The following SULF2 variants were observed in gnomAD, a reference collection of about 807,000 sequenced individuals.
The protein encoded by SULF2 is sulfatase 2, also known as extracellular sulfatase Sulf-2.
In SULF2, 52 loss-of-function variants were observed where a neutral mutation model predicts 107.7. The observed-to-expected ratio is 0.48, with a 90% CI of 0.39 to 0.61. SULF2 has a LOEUF of 0.61. SULF2 is among the 20% of genes least tolerant of loss of function. SULF2 has a pLI of 0.00. For synonymous variants in SULF2, 460 were observed against 464.3 expected (o/e 0.99, Z 0.12); for missense variants, 993 against 1,177.3 (o/e 0.84, Z 2.29).
At chr20:47,668,356 G>A (rs1309025333) in intron 11 of SULF2, among the ~76,000 whole-genome samples, 1 of 152,238 alleles carries the variant, frequency 6.6e-6, no homozygotes, top group African/African-American at 2.4e-5. Context: ...CAAAGCCCAA[G>A]ACCTTTACTC....
intron 11 of SULF2, among the ~76,000 whole-genome samples, chr20:47,668,427 A>T (rs1427187099): frequency 6.6e-6 from 1 of 152,150 alleles, no homozygotes; most frequent in African/African-American, 2.4e-5. Context: ...GACTGAAGCC[A>T]CACTACCTGC....
chr20:47,755,029 G>GA (rs1491062513), intron 2 of SULF2, among the ~76,000 whole-genome samples: 5 of 149,078 alleles, frequency 3.4e-5, no homozygotes, highest in Non-Finnish European at 7.4e-5. Context: ...AGACGGGGGG[G>GA]GTCTCACTAT....
intron 1 of SULF2, among the ~76,000 whole-genome samples, chr20:47,770,884 C>T (rs902509489): frequency 1.3e-5 from 2 of 152,166 alleles, no homozygotes; most frequent in Non-Finnish European, 2.9e-5. Context: ...TCCCAGTGAT[C>T]CAGGGGGAGC....
chr20:47,748,354 A>G (rs2090091240), intron 2 of SULF2, among the ~76,000 whole-genome samples: 1 of 152,192 alleles, frequency 6.6e-6, no homozygotes, highest in South Asian at 2.1e-4. Flanking sequence ...CCCCAGTGTT[A>G]GGCCACACAA....
intron 2 of SULF2, among the ~76,000 whole-genome samples, chr20:47,749,174 A>G (rs2090109634): frequency 6.6e-6 from 1 of 152,190 alleles, no homozygotes; most frequent in East Asian, 1.9e-4. Flanking sequence ...GCAGAGAAGG[A>G]GCTTGGGTCC....
Position 47,676,570 on chromosome 20 carries a change from A to G in SULF2, c.1304T>C (p.Phe435Ser), listed in dbSNP as rs2087648655. Reference protein sequence around the residue: ...NDKVDAQEENFLPKYQRVKDL... With the variant: ...NDKVDAQEENSLPKYQRVKDL... ...CTTCACACGCTGGTACTTGGGCAGA[A>G]AGTTCTCCTCCTGGGCGTCCACCTT... The change falls in exon 10 of 21, where the codon TTT (phenylalanine) becomes TCT (serine). Residue 435 changes from phenylalanine to serine, a missense_variant. Physicochemically the swap from Phe to Ser is radical, Grantham distance 155. Transcript: ENST00000688720. 1 of 1,578,060 alleles carries G rather than the reference A, an allele frequency of 6.3e-7. No individual in the cohort carries two copies. Among genetic ancestry groups the G allele is most frequent in the African/African-American group, 1.3e-5 (1 of 74,300 alleles).
chr20:47,736,649 G>A, intron 3 of SULF2, 54 bp downstream of exon 3: 2 of 1,606,206 alleles, frequency 1.2e-6, no homozygotes, highest in East Asian at 4.5e-5. Context: ...CACACCTAGG[G>A]ACGCCCGCCC....
chr20:47,751,768 G>T (rs1373511510), intron 2 of SULF2, among the ~76,000 whole-genome samples: 2 of 152,208 alleles, frequency 1.3e-5, no homozygotes, highest in Admixed American at 1.3e-4. Flanking sequence ...ACTCGTAACT[G>T]AGAGAATCCA....
intron 2 of SULF2, among the ~76,000 whole-genome samples, chr20:47,756,320 C>T (rs1319116088): frequency 6.6e-6 from 1 of 152,172 alleles, no homozygotes; most frequent in Non-Finnish European, 1.5e-5. Context: ...AATAAAAGCT[C>T]TGGGCTCTGA....
intron 1 of SULF2, among the ~76,000 whole-genome samples, chr20:47,765,578 G>T (rs73317803): frequency 6.6e-6 from 1 of 152,118 alleles, no homozygotes; most frequent in Non-Finnish European, 1.5e-5. Flanking sequence ...CTCCTCAGGT[G>T]GTCCAGGGAG....
rs147928671 is a variant in SULF2, at chr20:47,694,502, T to A, written c.568-4207A>T. On this transcript the variant is annotated intron_variant, in intron 4 of 20. Transcript: ENST00000688720. The surrounding 1 kb of genome is among the most constrained non-coding windows in gnomAD (Gnocchi z 4.4). ...ATGGGTGGAGGTCCACAGGCCCAGG[T>A]GCATTTTCCAGAACCCGGCGCCCAG... Among the ~76,000 whole-genome samples, 206 of 152,062 alleles carry A rather than the reference T, an allele frequency of 1.4e-3. No homozygotes were observed. The highest frequency in any genetic ancestry group is 4.8e-3 in the African/African-American group (199 of 41,466).
At chr20:47,725,982 C>A (rs2089432081) in intron 3 of SULF2, among the ~76,000 whole-genome samples, 1 of 152,122 alleles carries the variant, frequency 6.6e-6, no homozygotes, top group South Asian at 2.1e-4. Flanking sequence ...TGTCCTGAGA[C>A]CCTGACCCGA....
intron 11 of SULF2, among the ~76,000 whole-genome samples, chr20:47,671,004 C>T (rs147276330): frequency 5.4e-4 from 82 of 151,530 alleles, no homozygotes; most frequent in Middle Eastern, 3.4e-3. Context: ...CGGACCCCGA[C>T]GCCTCCACAC....
rs780583306 is a variant in SULF2 at position 47,666,297 on chromosome 20, C to T, written c.1768G>A (p.Asp590Asn). The T allele has an allele frequency of 8.1e-6, 13 of 1,614,074 alleles. No individual in the cohort carries two copies. The highest frequency in any genetic ancestry group is 2.2e-5 in the South Asian group (2 of 91,086). The change falls in exon 12 of 21, where the codon GAC (aspartate) becomes AAC (asparagine). Residue 590 changes from aspartate to asparagine, a missense_variant. By Grantham distance (23) the Asp-to-Asn change is conservative. Transcript: ENST00000688720. This position sits in a 1 kb window ranked among gnomAD's most constrained non-coding sequence, Gnocchi z 5.4. ...TTAATGGGGTTGGCGGCTGAGTAGTCGGGAAGGCCTCCAGTGCCACTGAAG... is the reference window on the plus strand; with the variant it reads ...TTAATGGGGTTGGCGGCTGAGTAGTTGGGAAGGCCTCCAGTGCCACTGAAG... ...GDFSGTGGLP[D>N]YSAANPIKVT...
At chr20:47,677,468 G>A (rs1433211557) in intron 8 of SULF2, among the ~76,000 whole-genome samples, 1 of 151,830 alleles carries the variant, frequency 6.6e-6, no homozygotes, top group South Asian at 2.1e-4. Flanking sequence ...AGGAAGCCCA[G>A]CAACTCCCCC....
At chr20:47,687,804 C>T (rs183392865) in intron 5 of SULF2, among the ~76,000 whole-genome samples, 50 of 151,874 alleles carry the variant, frequency 3.3e-4, no homozygotes, top group Non-Finnish European at 5.9e-4. Flanking sequence ...ACCTCTTGGG[C>T]CCAAGTGATC....
intron 1 of SULF2, among the ~76,000 whole-genome samples, chr20:47,782,470 G>A (rs1362260741): frequency 6.6e-6 from 1 of 152,128 alleles, no homozygotes; most frequent in Non-Finnish European, 1.5e-5. Flanking sequence ...TTCAGGGAGG[G>A]CCCCCTCACC....
chr20:47,755,168 G>GGACAGAGAA (rs1421103466), intron 2 of SULF2, among the ~76,000 whole-genome samples: 2 of 152,170 alleles, frequency 1.3e-5, no homozygotes, highest in African/African-American at 2.4e-5. Flanking sequence ...GTGCAAACTT[G>GGACAGAGAA]GACAAGTGAC....
chr20:47,665,955 T>C lies in SULF2; in HGVS notation c.1806-2A>G. 1 of 1,613,812 alleles carries C rather than the reference T, an allele frequency of 6.2e-7. No individual in the cohort carries two copies. Among genetic ancestry groups the C allele is most frequent in the Non-Finnish European group, 8.5e-7 (1 of 1,179,706 alleles). On this transcript the variant is annotated splice_acceptor_variant, in intron 12 of 20. Coordinates refer to ENST00000688720, the MANE Select transcript of SULF2 (RefSeq NM_001387048.1). LOFTEE classifies it high-confidence loss of function. Reference sequence around the variant, plus strand: ...GTGTCGTTCTCTAGGATGTAGCACCTGCTTGAGAGAAGGGATCACGTGTGG... The same window carrying C: ...GTGTCGTTCTCTAGGATGTAGCACCCGCTTGAGAGAAGGGATCACGTGTGG...
Sources: allele counts gnomAD v4.1 joint callset (sites outside exome capture counted in the v4.1 genomes callset), GRCh38; gene constraint gnomAD v4.1.1; non-coding constraint Gnocchi (gnomAD v3.1); transcripts MANE v1.5; gene names NCBI Gene and HGNC (gene_info 2026-07-23, HGNC 2026-07-21).